NXPE4: variants seen among roughly 807,000 people sequenced by gnomAD.
The protein encoded by NXPE4 is NXPE family member 4.
Under a neutral mutation model 33.3 loss-of-function variants are expected in NXPE4, and 42 were observed. The ratio of observed to expected loss-of-function variants is 1.26; its 90% CI spans 0.98 to 1.63. The LOEUF (loss-of-function observed/expected upper bound fraction) is 1.63. Among genes scored for constraint, NXPE4 ranks in the 40% most tolerant of loss-of-function variants. The pLI, the probability that NXPE4 is intolerant of heterozygous loss-of-function variation, is 0.00. For synonymous variants in NXPE4, 253 were observed against 234.9 expected, an observed-to-expected ratio of 1.08 and a Z score of -0.71; for missense variants, 709 against 647.6, an observed-to-expected ratio of 1.09 and a Z score of -1.03.
chr11:114,618,776 A>C, the NXPE4 span, among the ~76,000 whole-genome samples: 1 of 152,024 alleles, frequency 6.6e-6, no homozygotes, highest in African/African-American at 2.4e-5. Context: ...CTGGTGGATA[A>C]AAAGTGTTGC....
chr11:114,579,222 C>T (rs1035758791), intron 5 of NXPE4, among the ~76,000 whole-genome samples: 3 of 152,088 alleles, frequency 2.0e-5, no homozygotes, highest in African/African-American at 7.2e-5. Context: ...AACCAGTTCT[C>T]ACATGAACTG....
chr11:114,654,803 T>C, the NXPE4 span, among the ~76,000 whole-genome samples: 10 of 152,336 alleles, frequency 6.6e-5, no homozygotes, highest in Admixed American at 6.5e-4. Flanking sequence ...GTCTTTATAG[T>C]AGAATGATTT....
chr11:114,597,885 T>C (rs1399322532), upstream of NXPE4, among the ~76,000 whole-genome samples: 1 of 152,124 alleles, frequency 6.6e-6, no homozygotes, highest in Non-Finnish European at 1.5e-5. Context: ...AATACAATCA[T>C]TGTTCTCACA....
intron 3 of NXPE4, 62 bp downstream of exon 3, chr11:114,582,226 A>G: frequency 1.3e-6 from 2 of 1,493,380 alleles, no homozygotes; most frequent in South Asian, 1.4e-5. Flanking sequence ...TTTTCTTTGG[A>G]TCAGTATATA....
In NXPE4 at chr11:114,582,651, G is replaced by C. The variant is rs775589425; in HGVS notation, c.467C>G (p.Thr156Ser). Residue 156 changes from threonine (T) to serine (S), a missense_variant, in exon 3 of 6, where the codon ACT becomes AGT. By Grantham distance (58) the Thr-to-Ser change is moderately conservative. Transcript: ENST00000375478. The stretch of plus-strand genomic sequence containing the variant: ...CAGGTAGGTGCCGTTGTTGAAGTCA[G>C]TCACCTTTCCTGAAGCACCTGCCAT... ...ALMAGASGKV[T>S]DFNNGTYLVS... 2 of 1,614,178 alleles carry C rather than the reference G, an allele frequency of 1.2e-6. No individual in the cohort carries two copies. Among genetic ancestry groups the C allele is most frequent in the Non-Finnish European group, 1.7e-6 (2 of 1,180,006 alleles).
chr11:114,670,967 C>T, the NXPE4 span, among the ~76,000 whole-genome samples: 1 of 149,996 alleles, frequency 6.7e-6, no homozygotes, highest in Admixed American at 6.7e-5. Context: ...TTAAAGGAAG[C>T]CCTGCTTAAA....
At chr11:114,606,135 T>G in the NXPE4 span, among the ~76,000 whole-genome samples, 1 of 150,718 alleles carries the variant, frequency 6.6e-6, no homozygotes, top group African/African-American at 2.5e-5. Context: ...GTATTGTCTC[T>G]AGGGTAACCA....
chr11:114,638,826 T>C, the NXPE4 span, among the ~76,000 whole-genome samples: 2 of 151,914 alleles, frequency 1.3e-5, no homozygotes, highest in Non-Finnish European at 2.9e-5. Context: ...CCTCTGGAAG[T>C]TTTGTCTCAG....
intron 2 of NXPE4, among the ~76,000 whole-genome samples, chr11:114,587,597 TA>T (rs1306823237): frequency 4.6e-5 from 7 of 152,198 alleles, no homozygotes; most frequent in African/African-American, 1.7e-4. Context: ...GTTTCATTGC[TA>T]TGGGTTATGC....
the NXPE4 span, among the ~76,000 whole-genome samples, chr11:114,601,074 T>A: frequency 6.6e-6 from 1 of 152,014 alleles, no homozygotes; most frequent in South Asian, 2.1e-4. Flanking sequence ...CACACTGTTG[T>A]TTTTTGTTTT....
the NXPE4 span, among the ~76,000 whole-genome samples, chr11:114,657,958 A>G: frequency 1.3e-5 from 2 of 152,332 alleles, no homozygotes; most frequent in African/African-American, 2.4e-5. Context: ...ATGCCAAATC[A>G]GTTAGTTTAT....
At chr11:114,638,610 C>T in the NXPE4 span, among the ~76,000 whole-genome samples, 3 of 151,930 alleles carry the variant, frequency 2.0e-5, no homozygotes, top group African/African-American at 7.2e-5. Context: ...CTACTTTTGT[C>T]TTTGATGATG....
the NXPE4 span, among the ~76,000 whole-genome samples, chr11:114,661,817 A>T: frequency 6.6e-6 from 1 of 152,244 alleles, no homozygotes; most frequent in African/African-American, 2.4e-5. Flanking sequence ...GTCAGTGAAA[A>T]GATAGACACA....
chr11:114,598,551 T>C (rs575279032), upstream of NXPE4, among the ~76,000 whole-genome samples: 1 of 152,248 alleles, frequency 6.6e-6, no homozygotes, highest in Non-Finnish European at 1.5e-5. Flanking sequence ...CTAAGTAGAG[T>C]CTCTCAAGCC....
At chr11:114,589,889 C>A (rs1467408262) in intron 2 of NXPE4, among the ~76,000 whole-genome samples, 17 of 152,168 alleles carry the variant, frequency 1.1e-4, no homozygotes, top group Non-Finnish European at 2.4e-4. Context: ...ATTAATGAGG[C>A]CATAGTCTCA....
chr11:114,605,388 G>A, the NXPE4 span, among the ~76,000 whole-genome samples: 10 of 151,814 alleles, frequency 6.6e-5, no homozygotes, highest in South Asian at 2.1e-4. Flanking sequence ...TTGCCTATGG[G>A]TAACCACTGT....
the NXPE4 span, among the ~76,000 whole-genome samples, chr11:114,660,882 G>A: frequency 1.3e-5 from 2 of 152,092 alleles, no homozygotes; most frequent in Admixed American, 6.5e-5. Flanking sequence ...GAACTATTTA[G>A]TGTCAGCAAG....
chr11:114,662,935 G>A, the NXPE4 span, among the ~76,000 whole-genome samples: 2 of 152,154 alleles, frequency 1.3e-5, no homozygotes, highest in Non-Finnish European at 2.9e-5. Context: ...GTGAGCCTAT[G>A]AGGCTTGCTC....
At chr11:114,645,408 C>T in the NXPE4 span, among the ~76,000 whole-genome samples, 2 of 151,954 alleles carry the variant, frequency 1.3e-5, no homozygotes, top group East Asian at 3.9e-4. Flanking sequence ...TGTGAAAAGG[C>T]GAACTTTAAA....
Sources: allele counts gnomAD v4.1 joint callset (sites outside exome capture counted in the v4.1 genomes callset), GRCh38; gene constraint gnomAD v4.1.1; transcripts MANE v1.5; gene names NCBI Gene and HGNC (gene_info 2026-07-23, HGNC 2026-07-21).